EDA: variants seen among roughly 807,000 people sequenced by gnomAD.
EDA encodes the protein ectodysplasin A.
Under a neutral mutation model 23.6 loss-of-function variants are expected in EDA, and 2 were observed. The observed-to-expected ratio is 0.08, with a 90% CI of 0.03 to 0.27. The LOEUF is 0.27. Ranked by LOEUF, EDA falls within the 10% of genes least tolerant of loss-of-function variation. The pLI, the probability that EDA is intolerant of heterozygous loss-of-function variation, is 1.00. For synonymous variants in EDA, 131 were observed against 132.0 expected (o/e 0.99, Z 0.05); for missense variants, 229 against 324.2 (o/e 0.71, Z 2.26).
intron 1 of EDA, among the ~76,000 whole-genome samples, chrX:69,840,568 AT>A (rs2016872336): frequency 8.9e-6 from 1 of 111,845 alleles, no homozygotes; most frequent in Non-Finnish European, 1.9e-5. Context: ...TAAATTCAAT[AT>A]ATTTTTAGTT....
chrX:69,616,991 G>C (rs1931990486), intron 1 of EDA: 1 of 426,555 alleles, frequency 2.3e-6, no homozygotes, highest in Admixed American at 4.3e-5. Flanking sequence ...CTCCCGTCGA[G>C]GAGGTGCCTG....
chrX:69,734,889 G>A (rs1253351279), intron 1 of EDA, among the ~76,000 whole-genome samples: 16 of 111,553 alleles, frequency 1.4e-4, no homozygotes, highest in African/African-American at 5.2e-4. Context: ...TGGTGAGGAT[G>A]TGGAGGAATT....
At chrX:69,778,595 G>C (rs1459971211) in intron 1 of EDA, among the ~76,000 whole-genome samples, 1 of 111,449 alleles carries the variant, frequency 9.0e-6, no homozygotes, top group Non-Finnish European at 1.9e-5. Flanking sequence ...CTTTGTTTTT[G>C]ACAATTGAAG....
intron 2 of EDA, among the ~76,000 whole-genome samples, chrX:69,967,379 T>G (rs1260141784): frequency 9.0e-6 from 1 of 111,157 alleles, no homozygotes; most frequent in African/African-American, 3.3e-5. Context: ...CACCCAGGTT[T>G]CTGGCAAGGT....
intron 1 of EDA, among the ~76,000 whole-genome samples, chrX:69,727,156 C>T (rs573930622): frequency 9.0e-6 from 1 of 111,341 alleles, no homozygotes; most frequent in South Asian, 3.8e-4. Context: ...TTCGGCTGTC[C>T]GCAGTGAACT....
chrX:69,710,869 C>T (rs376208122), intron 1 of EDA, among the ~76,000 whole-genome samples: 7 of 111,747 alleles, frequency 6.3e-5, no homozygotes, highest in Non-Finnish European at 1.1e-4. Flanking sequence ...CTGAAGTTGC[C>T]TATCAGCTTA....
At chrX:69,918,198 C>T (rs2018374471) in intron 1 of EDA, among the ~76,000 whole-genome samples, 1 of 101,253 alleles carries the variant, frequency 9.9e-6, no homozygotes, top group Non-Finnish European at 2.0e-5. Flanking sequence ...CCTCTGTCAC[C>T]CAGGCTGGAG....
At chrX:69,976,728 C>G (rs139268306) in intron 2 of EDA, among the ~76,000 whole-genome samples, 3,111 of 103,315 alleles carry the variant, frequency 0.03, 52 homozygotes, top group Non-Finnish European at 0.048. Context: ...TCTCTCTGTT[C>G]TTAGGAAGAA....
chrX:69,696,589 C>T (rs758060108), intron 1 of EDA, among the ~76,000 whole-genome samples: 2 of 111,851 alleles, frequency 1.8e-5, no homozygotes, highest in African/African-American at 3.2e-5. Context: ...ACTTTACTCA[C>T]GTACAACGGT....
intron 1 of EDA, among the ~76,000 whole-genome samples, chrX:69,904,503 A>G (rs188944154): frequency 1.6e-4 from 18 of 111,584 alleles, no homozygotes; most frequent in African/African-American, 5.2e-4. Flanking sequence ...GGCATGCACC[A>G]TAATGCCTGG....
At chrX:69,664,913 A>G (rs953423159) in intron 1 of EDA, among the ~76,000 whole-genome samples, 8 of 111,910 alleles carry the variant, frequency 7.1e-5, no homozygotes, top group Non-Finnish European at 1.5e-4. Flanking sequence ...GGTCATACCA[A>G]TCTACATCCC....
chrX:69,689,208 C>CT (rs1239861888), intron 1 of EDA, among the ~76,000 whole-genome samples: 2 of 107,530 alleles, frequency 1.9e-5, no homozygotes, highest in African/African-American at 3.4e-5. Flanking sequence ...AACTGTTCTT[C>CT]TTTTTTTTTA....
intron 1 of EDA, among the ~76,000 whole-genome samples, chrX:69,682,081 G>A (rs754411991): frequency 5.0e-4 from 56 of 111,761 alleles, no homozygotes; most frequent in South Asian, 1.9e-3. Context: ...GTACCTGGCC[G>A]TGTGAGGTGT....
intron 1 of EDA, among the ~76,000 whole-genome samples, chrX:69,663,668 C>T (rs1454439057): frequency 1.8e-5 from 2 of 111,770 alleles, no homozygotes; most frequent in Non-Finnish European, 3.8e-5. Context: ...TCCTCCAGAC[C>T]CCAGAATTGT....
At chrX:69,816,644 T>C (rs965851165) in intron 1 of EDA, among the ~76,000 whole-genome samples, 1 of 109,829 alleles carries the variant, frequency 9.1e-6, no homozygotes, top group African/African-American at 3.3e-5. Context: ...CAGACAAGAA[T>C]AGAGGAAAAA....
chrX:69,633,298 T>G (rs1202258603), intron 1 of EDA, among the ~76,000 whole-genome samples: 2 of 112,648 alleles, frequency 1.8e-5, no homozygotes, highest in African/African-American at 6.5e-5. Context: ...CAATGATTAA[T>G]GTTCCTCAGT....
intron 1 of EDA, among the ~76,000 whole-genome samples, chrX:69,832,714 T>A (rs1404009316): frequency 4.5e-5 from 5 of 111,587 alleles, no homozygotes; most frequent in Admixed American, 9.6e-5. Flanking sequence ...TTTTATTTCC[T>A]TGAGCAGTGG....
At chrX:69,857,510 G>A (rs1450816440) in intron 1 of EDA, among the ~76,000 whole-genome samples, 1 of 109,037 alleles carries the variant, frequency 9.2e-6, no homozygotes, top group Non-Finnish European at 1.9e-5. Flanking sequence ...CATTGGATGT[G>A]TTTCCATTTT....
At chrX:69,834,935 C>T (rs1409989312) in intron 1 of EDA, among the ~76,000 whole-genome samples, 3 of 105,021 alleles carry the variant, frequency 2.9e-5, no homozygotes, top group African/African-American at 1.0e-4. Flanking sequence ...TTAGCATTTA[C>T]TTCTCTGTAA....
Sources: allele counts gnomAD v4.1 joint callset (sites outside exome capture counted in the v4.1 genomes callset), GRCh38; gene constraint gnomAD v4.1.1; transcripts MANE v1.5; gene names NCBI Gene and HGNC (gene_info 2026-07-23, HGNC 2026-07-21).